Variants in DCLK1 observed in about 807,000 individuals in gnomAD.
The protein encoded by DCLK1 is doublecortin like kinase 1.
Under a neutral mutation model 86.2 loss-of-function variants are expected in DCLK1, and 16 were observed. The ratio of observed to expected loss-of-function variants is 0.19; its 90% CI spans 0.13 to 0.28. The LOEUF is 0.28. DCLK1 is among the 10% of genes least tolerant of loss of function. The probability of loss-of-function intolerance (pLI) is 1.00; values close to 1 mark genes in which losing one functional copy is unlikely to be tolerated. For synonymous variants in DCLK1, 369 were observed against 370.5 expected (o/e 1.00, Z 0.05); for missense variants, 590 against 940.2 (o/e 0.63, Z 4.87).
intron 5 of DCLK1, among the ~76,000 whole-genome samples, chr13:35,858,505 C>T (rs1871206423): frequency 6.6e-6 from 1 of 152,140 alleles, no homozygotes; most frequent in Non-Finnish European, 1.5e-5. Context: ...TTAGGTCTTA[C>T]TCAAAAAACT....
intron 8 of DCLK1, among the ~76,000 whole-genome samples, chr13:35,834,463 T>C (rs1033666587): frequency 1.1e-4 from 17 of 152,230 alleles, no homozygotes; most frequent in African/African-American, 4.1e-4. Context: ...ACTTCTTACC[T>C]GACTGACCTT....
At chr13:35,804,668 A>C (rs901193150) in intron 15 of DCLK1, among the ~76,000 whole-genome samples, 1 of 152,138 alleles carries the variant, frequency 6.6e-6, no homozygotes, top group East Asian at 1.9e-4. Flanking sequence ...CCTGGCTTCA[A>C]GCGATCTGCC....
rs138311476 is a variant in DCLK1, at chr13:35,807,587, T to A, written c.1863+637A>T. On this transcript the variant is annotated intron_variant, in intron 14 of 16. Coordinates refer to ENST00000360631, the MANE Select transcript of DCLK1 (RefSeq NM_001330071.2). Reference sequence around the variant, plus strand: ...ATGCTGGTCATACTTTAGGCAGGGATAGTACAGCAATGGACAAAATAGATA... The same window carrying A: ...ATGCTGGTCATACTTTAGGCAGGGAAAGTACAGCAATGGACAAAATAGATA... 4.2e-3 allele frequency among the ~76,000 whole-genome samples: 636 copies of A among 152,338 alleles called. 2 individuals carry two copies. The highest frequency in any genetic ancestry group is 6.7e-3 in the Non-Finnish European group (453 of 68,036).
intron 3 of DCLK1, among the ~76,000 whole-genome samples, chr13:36,043,668 T>C (rs767776000): frequency 1.3e-4 from 19 of 151,968 alleles, no homozygotes; most frequent in African/African-American, 4.1e-4. Context: ...TAAAAATAGG[T>C]AATATAGAAG....
chr13:36,018,709 A>C (rs1881634960), intron 3 of DCLK1, among the ~76,000 whole-genome samples: 1 of 152,194 alleles, frequency 6.6e-6, no homozygotes, highest in Non-Finnish European at 1.5e-5. Flanking sequence ...TAAATAAAAA[A>C]TTAGCTATCC....
intron 8 of DCLK1, among the ~76,000 whole-genome samples, chr13:35,829,289 C>T (rs913421641): frequency 1.3e-4 from 20 of 152,164 alleles, no homozygotes; most frequent in Admixed American, 6.5e-5. Context: ...AAGAACACGT[C>T]TATTATTAAA....
chr13:36,016,393 G>C (rs1431704297), intron 3 of DCLK1, among the ~76,000 whole-genome samples: 1 of 151,958 alleles, frequency 6.6e-6, no homozygotes, highest in Non-Finnish European at 1.5e-5. Flanking sequence ...ACTAGTCAAG[G>C]GGTCACCATT....
chr13:35,854,469 C>A, intron 6 of DCLK1, 30 bp downstream of exon 6: 1 of 1,564,278 alleles, frequency 6.4e-7, no homozygotes, highest in South Asian at 1.2e-5. Flanking sequence ...TGAGACAGGT[C>A]TGAAACAAGC....
At chr13:35,981,681 C>A (rs542241058) in intron 3 of DCLK1, among the ~76,000 whole-genome samples, 1 of 152,266 alleles carries the variant, frequency 6.6e-6, no homozygotes, top group African/African-American at 2.4e-5. Flanking sequence ...TTTTATTTAT[C>A]CATTCTTCTG....
chr13:35,863,083 T>C (rs182805975), intron 5 of DCLK1, among the ~76,000 whole-genome samples: 1 of 152,358 alleles, frequency 6.6e-6, no homozygotes, highest in Admixed American at 6.5e-5. Flanking sequence ...TAACATACTG[T>C]ATAGGTTTAT....
At chr13:35,846,857 G>T (rs1870215546) in intron 6 of DCLK1, 1 of 985,120 alleles carries the variant, frequency 1.0e-6, no homozygotes, top group Non-Finnish European at 1.2e-6. Flanking sequence ...CACACATACA[G>T]CAAGTATATT....
At chr13:35,859,069 C>CA (rs112440163) in intron 5 of DCLK1, among the ~76,000 whole-genome samples, 10,059 of 152,250 alleles carry the variant, frequency 0.066, 479 homozygotes, top group African/African-American at 0.12. Flanking sequence ...TTCTAAGTGC[C>CA]ATAACAAGGC....
chr13:35,897,860 A>T (rs758660696), intron 4 of DCLK1, among the ~76,000 whole-genome samples: 1 of 152,228 alleles, frequency 6.6e-6, no homozygotes, highest in Non-Finnish European at 1.5e-5. Context: ...TGATAGTCGT[A>T]CTTAGAGGGT....
intron 4 of DCLK1, among the ~76,000 whole-genome samples, chr13:35,902,590 G>A (rs1265910091): frequency 6.6e-6 from 1 of 152,162 alleles, no homozygotes; most frequent in Non-Finnish European, 1.5e-5. Context: ...TGTAAGCCTG[G>A]GGGATGAGGG....
chr13:35,941,497 C>T (rs573456595), intron 4 of DCLK1, among the ~76,000 whole-genome samples: 30 of 152,334 alleles, frequency 2.0e-4, no homozygotes, highest in East Asian at 9.7e-4. Flanking sequence ...ACTACAGGCA[C>T]GTCTGTCTGG....
At chr13:36,037,926 T>C (rs1410626707) in intron 3 of DCLK1, among the ~76,000 whole-genome samples, 1 of 152,004 alleles carries the variant, frequency 6.6e-6, no homozygotes, top group African/African-American at 2.4e-5. Flanking sequence ...CAAGGTTCCA[T>C]GGGTATGGCT....
At chr13:35,930,636 A>C (rs1187165059) in intron 4 of DCLK1, among the ~76,000 whole-genome samples, 2 of 152,132 alleles carry the variant, frequency 1.3e-5, no homozygotes, top group Non-Finnish European at 2.9e-5. Flanking sequence ...AAAAACAAAA[A>C]AAACAAAGCA....
chr13:35,833,719 C>T lies in DCLK1; in HGVS notation c.1229+2314G>A, dbSNP rs115684870. On this transcript the variant is annotated intron_variant, in intron 8 of 16. Transcript: ENST00000360631. Reference sequence around the variant, plus strand: ...CCTTCCAAACACAGCAGAATGTACCCGCAAGCAATGTGTGCCATTCACAAC... The same window carrying T: ...CCTTCCAAACACAGCAGAATGTACCTGCAAGCAATGTGTGCCATTCACAAC... 2.1e-3 allele frequency among the ~76,000 whole-genome samples: 315 copies of T among 152,258 alleles called. 1 individual carries two copies. The highest frequency in any genetic ancestry group is 7.2e-3 in the African/African-American group (299 of 41,546).
chr13:35,901,885 G>C (rs1443797775), intron 4 of DCLK1, among the ~76,000 whole-genome samples: 1 of 146,434 alleles, frequency 6.8e-6, no homozygotes, highest in African/African-American at 2.5e-5. Context: ...ATTATGCAGA[G>C]CAAATTTTTT....
Sources: allele counts gnomAD v4.1 joint callset (sites outside exome capture counted in the v4.1 genomes callset), GRCh38; gene constraint gnomAD v4.1.1; transcripts MANE v1.5; gene names NCBI Gene and HGNC (gene_info 2026-07-23, HGNC 2026-07-21).